Variants in IDH2 observed in about 807,000 individuals in gnomAD.
The protein encoded by IDH2 is isocitrate dehydrogenase [NADP], mitochondrial.
IDH2 carries 18 observed loss-of-function variants against 50.5 expected under a neutral mutation model. The ratio of observed to expected loss-of-function variants is 0.36; its 90% CI spans 0.25 to 0.53. IDH2 has a LOEUF of 0.53. Among genes scored for constraint, IDH2 ranks in the 20% least tolerant of loss-of-function variants. The probability of loss-of-function intolerance (pLI) is 0.92; values close to 1 mark genes in which losing one functional copy is unlikely to be tolerated. For missense variants in IDH2, 518 were observed against 610.7 expected, an observed-to-expected ratio of 0.85 and a Z score of 1.60; for synonymous variants, 280 against 239.8, an observed-to-expected ratio of 1.17 and a Z score of -1.55.
intron 1 of IDH2, among the ~76,000 whole-genome samples, chr15:90,094,536 G>A (rs1422145286): frequency 6.6e-6 from 1 of 152,230 alleles, no homozygotes; most frequent in Non-Finnish European, 1.5e-5. Flanking sequence ...CCTTAGAGAG[G>A]TGGTGATGTG....
Position 90,084,778 on chromosome 15 carries a change from AT to A in IDH2, c.1271+37del. ...GAGGGGTCCCCTGGCTTCCTCCCAC[AT>A]GGCCCCAGGGTCTGCCTACCACCCC... On this transcript the variant is annotated intron_variant, in intron 10 of 10. Transcript: ENST00000330062. This position sits in a 1 kb window ranked among gnomAD's most constrained non-coding sequence, Gnocchi z 5.0. The A allele has an allele frequency of 6.4e-7, 1 of 1,553,146 alleles. No individual in the cohort carries two copies.
chr15:90,087,648 G>A (rs1900898868), intron 5 of IDH2, 73 bp from the exon 6 acceptor site: 6 of 1,584,708 alleles, frequency 3.8e-6, no homozygotes, highest in Non-Finnish European at 5.2e-6. Flanking sequence ...CACCTCCCAG[G>A]GCAAGGCCCA....
intron 3 of IDH2, among the ~76,000 whole-genome samples, chr15:90,089,039 C>A (rs1167827591): frequency 1.3e-5 from 2 of 151,598 alleles, no homozygotes; most frequent in African/African-American, 4.9e-5. Context: ...CTCAGCCTCC[C>A]GAGCAGCTGG....
chr15:90,087,795 G>T (rs1162247098), intron 5 of IDH2, among the ~76,000 whole-genome samples: 20 of 145,214 alleles, frequency 1.4e-4, no homozygotes, highest in Non-Finnish European at 2.3e-4. Flanking sequence ...TTTTTTTTTG[G>T]AAAACACCGC....
rs181735643 is a variant in IDH2, at chr15:90,091,766, G to A, written c.116-122C>T. ...CAGAAAGCCAGGGCTCCAGCTGCCC[G>A]GTGTCCACTCCCCCGTCTGCAAATC... On this transcript the variant is annotated intron_variant, in intron 1 of 10. Coordinates refer to ENST00000330062, the MANE Select transcript of IDH2 (RefSeq NM_002168.4). 9.8e-3 allele frequency: 7,880 copies of A among 807,544 alleles called. 40 individuals carry two copies. Among genetic ancestry groups the A allele is most frequent in the Middle Eastern group, 0.023 (83 of 3,564 alleles). The allele number at this position is 807,544 out of a possible 1,614,324, so 50.0% of individuals were successfully genotyped here.
Position 90,085,068 on chromosome 15 carries a change from TG to T in IDH2, c.1110del (p.Ser371AlafsTer41). Reference protein sequence around the residue: ...KGRPTSTNPIASIFAWTRGLE... With the variant: ...KGRPTSTNPIXSIFAWTRGLE... The stretch of plus-strand genomic sequence containing the variant: ...AGGCCACGTGTCCAGGCAAAGATGC[TG>T]GCGATGGGGTTGGTGCTGGTGGGCC... On this transcript the variant is annotated frameshift_variant, in exon 9 of 11. Transcript: ENST00000330062. LOFTEE classifies it high-confidence loss of function. The surrounding 1 kb of genome is among the most constrained non-coding windows in gnomAD (Gnocchi z 5.5). 2 of 1,613,982 alleles carry T rather than the reference TG, an allele frequency of 1.2e-6. No individual in the cohort carries two copies. The highest frequency in any genetic ancestry group is 1.7e-6 in the Non-Finnish European group (2 of 1,180,006).
chr15:90,084,798 C>T lies in IDH2; in HGVS notation c.1271+18G>A. Reference sequence around the variant, plus strand: ...CCCACATGGCCCCAGGGTCTGCCTACCACCCCAGGCCACGCACTTGCTGAG... The same window carrying T: ...CCCACATGGCCCCAGGGTCTGCCTATCACCCCAGGCCACGCACTTGCTGAG... On this transcript the variant is annotated intron_variant, in intron 10 of 10. Transcript: ENST00000330062. This position sits in a 1 kb window ranked among gnomAD's most constrained non-coding sequence, Gnocchi z 5.0. 1.2e-6 allele frequency: 2 copies of T among 1,605,958 alleles called. No individual in the cohort carries two copies. Among genetic ancestry groups the T allele is most frequent in the Middle Eastern group, 3.3e-4 (2 of 6,050 alleles).
chr15:90,090,738 G>C (rs1346822098), intron 2 of IDH2, 94 bp from the exon 3 acceptor site: 15 of 1,337,708 alleles, frequency 1.1e-5, no homozygotes, highest in Non-Finnish European at 1.5e-5. Context: ...CATGGCAGGG[G>C]ACAGTCAGTC....
At position 90,100,925 on chromosome 15, in the gene IDH2, G is replaced by A. The variant is rs552874044; in HGVS notation, c.115+1351C>T. Among the ~76,000 whole-genome samples the A allele has an allele frequency of 1.7e-3, 223 of 129,142 alleles. 2 individuals are homozygous for A. The highest frequency in any genetic ancestry group is 0.015 in the Middle Eastern group (4 of 262). The allele number at this position is 129,142 out of a possible 152,430, so 84.7% of individuals were successfully genotyped here. On this transcript the variant is annotated intron_variant, in intron 1 of 10. Coordinates refer to ENST00000330062, the MANE Select transcript of IDH2 (RefSeq NM_002168.4). This position sits in a 1 kb window ranked among gnomAD's most constrained non-coding sequence, Gnocchi z 4.1. ...GTGTTCCTGTTTGTGTGTGTTTTTC[G>A]GGTTGTTTGTTTCTTTTTTTTTTTT...
rs113845138 is a variant in IDH2, at chr15:90,092,888, A to T, written c.116-1244T>A. On this transcript the variant is annotated intron_variant, in intron 1 of 10. Transcript: ENST00000330062. The stretch of plus-strand genomic sequence containing the variant: ...GCCACCGTGCCAGCCTAATTTTAAA[A>T]TTTTTTTGTAGAGATGGAGTCTTGC... Among the ~76,000 whole-genome samples the T allele has an allele frequency of 2.3e-3, 354 of 152,232 alleles. 1 individual carries two copies. Among genetic ancestry groups the T allele is most frequent in the Non-Finnish European group, 4.1e-3 (279 of 68,010 alleles).
At chr15:90,090,793 C>G in intron 2 of IDH2, 149 bp from the exon 3 acceptor site, 1 of 837,908 alleles carries the variant, frequency 1.2e-6, no homozygotes, top group Middle Eastern at 2.4e-4. Context: ...CAGCAGAAAG[C>G]TGGAGTCAGC....
rs78424730 is a variant in IDH2, at chr15:90,098,562, T to G, written c.115+3714A>C. Among the ~76,000 whole-genome samples the G allele has an allele frequency of 3.3e-4, 13 of 39,914 alleles. No individual in the cohort carries two copies. Among genetic ancestry groups the G allele is most frequent in the South Asian group, 7.0e-4 (1 of 1,420 alleles). The allele number at this position is 39,914 out of a possible 152,430, so 26.2% of individuals were successfully genotyped here. A position where few individuals can be genotyped will look rare whatever the true frequency, so the allele number is the denominator to read the frequency against. On this transcript the variant is annotated intron_variant, in intron 1 of 10. Coordinates refer to ENST00000330062, the MANE Select transcript of IDH2 (RefSeq NM_002168.4). The surrounding 1 kb of genome is among the most constrained non-coding windows in gnomAD (Gnocchi z 5.1). Reference sequence around the variant, plus strand: ...TGTATGTATGTATGTATGTATGTATTGAGACAGAGTCTCACTCTGTCGCCT... The same window carrying G: ...TGTATGTATGTATGTATGTATGTATGGAGACAGAGTCTCACTCTGTCGCCT...
intron 3 of IDH2, among the ~76,000 whole-genome samples, chr15:90,090,263 ATCAAAG>A (rs1900997498): frequency 6.6e-6 from 1 of 152,168 alleles, no homozygotes; most frequent in Admixed American, 6.5e-5. Context: ...CCCCAGCCTC[ATCAAAG>A]GTGACCTCTG....
chr15:90,088,653 GT>G lies in IDH2; in HGVS notation c.467del (p.Asn156ThrfsTer5). 1 of 1,614,222 alleles carries G rather than the reference GT, an allele frequency of 6.2e-7. No individual in the cohort carries two copies. The highest frequency in any genetic ancestry group is 8.5e-7 in the Non-Finnish European group (1 of 1,180,050). ...TCCAGCCAGGGACTAGGCGTGGGAT[GT>G]TTTTGCAGATGATGGGCTCCCGGAA... ...TVFREPIICK[N>X]IPRLVPGWTK... On this transcript the variant is annotated frameshift_variant, in exon 4 of 11. Transcript: ENST00000330062. LOFTEE classifies it high-confidence loss of function.
At chr15:90,099,735 G>C (rs1373896415) in intron 1 of IDH2, among the ~76,000 whole-genome samples, 3 of 152,112 alleles carry the variant, frequency 2.0e-5, no homozygotes, top group Admixed American at 2.0e-4. Context: ...TGGGATTACA[G>C]GTGTAAGCCA....
At chr15:90,088,006 G>T (rs1264458171) in intron 5 of IDH2, among the ~76,000 whole-genome samples, 3 of 152,064 alleles carry the variant, frequency 2.0e-5, no homozygotes, top group African/African-American at 4.8e-5. Context: ...CATTGGAGCT[G>T]GAACTGGGGA....
rs1901305777 is a variant in IDH2, at chr15:90,100,674, A to C, written c.115+1602T>G. The stretch of plus-strand genomic sequence containing the variant: ...GGCAGCAAAGACACGGGGCTCTTTT[A>C]GCCCCAAAATATTCTTTCCTTGTCA... On this transcript the variant is annotated intron_variant, in intron 1 of 10. Coordinates refer to ENST00000330062, the MANE Select transcript of IDH2 (RefSeq NM_002168.4). The surrounding 1 kb of genome is among the most constrained non-coding windows in gnomAD (Gnocchi z 4.1). 1.0e-6 allele frequency: 1 copy of C among 984,568 alleles called. No homozygotes were observed. The highest frequency in any genetic ancestry group is 6.1e-5 in the Admixed American group (1 of 16,264). 61.0% of individuals were successfully genotyped at this position (984,568 alleles called of 1,614,324 possible). A position where few individuals can be genotyped will look rare whatever the true frequency, so the allele number is the denominator to read the frequency against.
chr15:90,096,970 G>T (rs1005594740), intron 1 of IDH2, among the ~76,000 whole-genome samples: 3 of 152,210 alleles, frequency 2.0e-5, no homozygotes, highest in African/African-American at 7.2e-5. Flanking sequence ...CAGCAATTCT[G>T]CTTCTGTATA....
intron 1 of IDH2, among the ~76,000 whole-genome samples, chr15:90,096,328 G>T (rs575947199): frequency 1.8e-4 from 28 of 152,094 alleles, no homozygotes; most frequent in Non-Finnish European, 1.5e-5. Flanking sequence ...ATGGACAAAA[G>T]ACTTAAATAG....
Sources: allele counts gnomAD v4.1 joint callset (sites outside exome capture counted in the v4.1 genomes callset), GRCh38; gene constraint gnomAD v4.1.1; non-coding constraint Gnocchi (gnomAD v3.1); transcripts MANE v1.5; gene names NCBI Gene and HGNC (gene_info 2026-07-23, HGNC 2026-07-21).